UNC5D: variants seen among roughly 807,000 people sequenced by gnomAD.
UNC5D encodes the protein unc-5 netrin receptor D.
UNC5D carries 39 observed loss-of-function variants against 105.4 expected under a neutral mutation model. The ratio of observed to expected loss-of-function variants is 0.37; its 90% CI spans 0.29 to 0.48. The LOEUF (loss-of-function observed/expected upper bound fraction) is 0.48. Among genes scored for constraint, UNC5D ranks in the 20% least tolerant of loss-of-function variants. The probability of loss-of-function intolerance (pLI) is 0.98; values close to 1 mark genes in which losing one functional copy is unlikely to be tolerated. For missense variants in UNC5D, 991 were observed against 1,202.4 expected (o/e 0.82, Z 2.60); for synonymous variants, 452 against 450.4 (o/e 1.00, Z -0.04).
chr8:35,479,258 C>CA (rs1432593970), intron 1 of UNC5D, among the ~76,000 whole-genome samples: 2 of 151,992 alleles, frequency 1.3e-5, no homozygotes, highest in Non-Finnish European at 2.9e-5. Flanking sequence ...CTTATGAAGG[C>CA]AATTTTCTTC....
intron 7 of UNC5D, among the ~76,000 whole-genome samples, chr8:35,703,490 G>A (rs1827346159): frequency 6.6e-6 from 1 of 152,210 alleles, no homozygotes; most frequent in Non-Finnish European, 1.5e-5. Flanking sequence ...AGAGGGGGAA[G>A]TGCCGCACTC....
intron 1 of UNC5D, among the ~76,000 whole-genome samples, chr8:35,453,128 T>A (rs563644664): frequency 7.2e-5 from 11 of 152,240 alleles, no homozygotes; most frequent in Admixed American, 1.3e-4. Flanking sequence ...AGTAGGGAAA[T>A]CTAATTACTG....
At chr8:35,665,756 T>C (rs1824382683) in intron 4 of UNC5D, among the ~76,000 whole-genome samples, 1 of 151,742 alleles carries the variant, frequency 6.6e-6, no homozygotes, top group Admixed American at 6.6e-5. Context: ...CTCAATAATG[T>C]CGATGTAAAT....
intron 7 of UNC5D, among the ~76,000 whole-genome samples, chr8:35,699,441 T>G (rs1436273636): frequency 2.0e-5 from 3 of 152,144 alleles, no homozygotes; most frequent in Admixed American, 6.6e-5. Context: ...AATGCATAGT[T>G]AGAAGATGTC....
intron 1 of UNC5D, among the ~76,000 whole-genome samples, chr8:35,322,304 T>C (rs1030032369): frequency 2.0e-5 from 3 of 152,134 alleles, no homozygotes; most frequent in African/African-American, 7.2e-5. Flanking sequence ...CTTCCTTCTA[T>C]AAATAATTGA....
intron 1 of UNC5D, among the ~76,000 whole-genome samples, chr8:35,291,896 G>A (rs1197708636): frequency 6.6e-6 from 1 of 152,174 alleles, no homozygotes; most frequent in Non-Finnish European, 1.5e-5. Context: ...GAAGACAAAT[G>A]TGTACTTCTT....
chr8:35,457,281 G>A (rs935769517), intron 1 of UNC5D, among the ~76,000 whole-genome samples: 8 of 152,078 alleles, frequency 5.3e-5, no homozygotes, highest in African/African-American at 1.9e-4. Flanking sequence ...GTGTCATGAT[G>A]TTTCAAAGTT....
intron 1 of UNC5D, among the ~76,000 whole-genome samples, chr8:35,237,086 G>T (rs1585385016): frequency 1.3e-5 from 2 of 151,864 alleles, no homozygotes; most frequent in Admixed American, 1.3e-4. Flanking sequence ...AAGCAGTCCG[G>T]CTGCCTAGAA....
intron 1 of UNC5D, among the ~76,000 whole-genome samples, chr8:35,500,776 T>C (rs142711126): frequency 3.1e-4 from 47 of 152,332 alleles, no homozygotes; most frequent in African/African-American, 1.1e-3. Flanking sequence ...TGAATGCATG[T>C]GTATGAACGG....
At chr8:35,723,636 C>T (rs1483969192) in intron 9 of UNC5D, among the ~76,000 whole-genome samples, 3 of 152,076 alleles carry the variant, frequency 2.0e-5, no homozygotes, top group Admixed American at 1.3e-4. Flanking sequence ...GAACTCCTGG[C>T]CTCAATGATC....
intron 3 of UNC5D, among the ~76,000 whole-genome samples, chr8:35,579,095 T>C (rs1818305109): frequency 6.6e-6 from 1 of 152,176 alleles, no homozygotes; most frequent in South Asian, 2.1e-4. Context: ...TTATTTCAAT[T>C]CAACTCTCAT....
chr8:35,420,527 C>T (rs1805830093), intron 1 of UNC5D, among the ~76,000 whole-genome samples: 1 of 152,080 alleles, frequency 6.6e-6, no homozygotes, highest in Admixed American at 6.6e-5. Flanking sequence ...TGCTTGTTAC[C>T]TCTATTAATT....
chr8:35,318,627 T>C (rs7832717), intron 1 of UNC5D, among the ~76,000 whole-genome samples: 3,593 of 152,242 alleles, frequency 0.024, 148 homozygotes, highest in African/African-American at 0.083. Context: ...ACATAATAGG[T>C]CTTTAATAAT....
At chr8:35,316,881 G>A (rs572717210) in intron 1 of UNC5D, among the ~76,000 whole-genome samples, 1 of 152,162 alleles carries the variant, frequency 6.6e-6, no homozygotes, top group East Asian at 1.9e-4. Flanking sequence ...GACCACTAGA[G>A]GACATTTATT....
intron 1 of UNC5D, among the ~76,000 whole-genome samples, chr8:35,434,169 T>C (rs1806844655): frequency 1.3e-5 from 2 of 152,110 alleles, no homozygotes; most frequent in Admixed American, 1.3e-4. Flanking sequence ...ATTTATGAAG[T>C]TTTGGCTCAA....
At chr8:35,617,767 A>G (rs533044685) in intron 4 of UNC5D, among the ~76,000 whole-genome samples, 76 of 152,312 alleles carry the variant, frequency 5.0e-4, no homozygotes, top group Middle Eastern at 6.8e-3. Context: ...AAAACATCCA[A>G]CATTCAGAAC....
At chr8:35,403,788 C>T (rs1279351761) in intron 1 of UNC5D, among the ~76,000 whole-genome samples, 1 of 152,174 alleles carries the variant, frequency 6.6e-6, no homozygotes, top group Admixed American at 6.5e-5. Context: ...CCAAAAGGGT[C>T]ATCGTCATTG....
At chr8:35,653,887 G>A (rs1338511939) in intron 4 of UNC5D, among the ~76,000 whole-genome samples, 1 of 151,992 alleles carries the variant, frequency 6.6e-6, no homozygotes, top group Non-Finnish European at 1.5e-5. Flanking sequence ...TTGCAAATCT[G>A]ATACTTTGTT....
At chr8:35,535,185 C>G (rs1261412226) in intron 1 of UNC5D, among the ~76,000 whole-genome samples, 1 of 152,152 alleles carries the variant, frequency 6.6e-6, no homozygotes, top group East Asian at 1.9e-4. Context: ...AAATAGCAAA[C>G]TATAATGGCC....
Sources: gnomAD v4.1 joint callset for allele counts (sites outside exome capture counted in the v4.1 genomes callset) on GRCh38, gnomAD v4.1.1 for gene constraint, MANE v1.5 for transcripts, NCBI Gene and HGNC (gene_info 2026-07-23, HGNC 2026-07-21) for gene names.